Variants in LTBR observed in about 807,000 individuals in gnomAD.
LTBR encodes the protein tumor necrosis factor receptor superfamily member 3.
Under a neutral mutation model 45.4 loss-of-function variants are expected in LTBR, and 15 were observed. That is an observed-to-expected ratio of 0.33 (90% CI 0.22 to 0.51). The LOEUF (loss-of-function observed/expected upper bound fraction) is 0.51. Among genes scored for constraint, LTBR ranks in the 20% least tolerant of loss-of-function variants. The pLI is 0.97. For missense variants in LTBR, 450 were observed against 565.5 expected, an observed-to-expected ratio of 0.80 and a Z score of 2.07; for synonymous variants, 228 against 231.0, an observed-to-expected ratio of 0.99 and a Z score of 0.12.
intron 1 of LTBR, chr12:6,375,811 A>C: frequency 7.3e-7 from 1 of 1,368,462 alleles, no homozygotes; most frequent in Non-Finnish European, 9.4e-7. Context: ...GCCCACAGCT[A>C]GGAGGGCAAC....
At chr12:6,378,522 C>A (rs768470501) in intron 1 of LTBR, among the ~76,000 whole-genome samples, 3 of 151,804 alleles carry the variant, frequency 2.0e-5, no homozygotes, top group Non-Finnish European at 4.4e-5. Context: ...GGTGATCTTA[C>A]CTGAGAAAAT....
In LTBR at chr12:6,390,046, G is replaced by A. The variant is rs41489744; in HGVS notation, c.802-66G>A. The A allele has an allele frequency of 6.6e-3, 6,239 of 941,558 alleles. 233 individuals carry two copies. The African/African-American group carries it at 0.087, about 13-fold the overall frequency. 58.3% of individuals were successfully genotyped at this position (941,558 alleles called of 1,614,324 possible). A position where few individuals can be genotyped will look rare whatever the true frequency, so the allele number is the denominator to read the frequency against. On this transcript the variant is annotated intron_variant, in intron 8 of 9. Transcript: ENST00000228918. ...AGAGAAAGAGAGAAAGAAGAGGGAG[G>A]GAGGGAGAGAGAAAAAAGGGTCTGG...
chr12:6,380,669 G>A (rs542853351), upstream of LTBR, among the ~76,000 whole-genome samples: 1 of 148,462 alleles, frequency 6.7e-6, no homozygotes, highest in East Asian at 2.0e-4. Context: ...CAGCCTGGGC[G>A]ACAGACTGAG....
upstream of LTBR, among the ~76,000 whole-genome samples, chr12:6,382,965 C>G (rs1207071875): frequency 6.6e-6 from 1 of 152,204 alleles, no homozygotes; most frequent in African/African-American, 2.4e-5. Context: ...TGGACTGGCT[C>G]TGTGATGTGG....
Position 6,390,965 on chromosome 12 carries a change from G to A in LTBR, c.*28G>A, listed in dbSNP as rs1294541598. The A allele has an allele frequency of 6.0e-6, 9 of 1,504,142 alleles. No homozygotes were observed. The highest frequency in any genetic ancestry group is 7.1e-6 in the Non-Finnish European group (8 of 1,125,128). 93.2% of individuals were successfully genotyped at this position (1,504,142 alleles called of 1,614,324 possible). On this transcript the variant is annotated 3_prime_UTR_variant, in exon 10 of 10. Coordinates refer to ENST00000228918, the MANE Select transcript of LTBR (RefSeq NM_002342.3). Reference sequence around the variant, plus strand: ...GAGTCTGAGAAAAGGCAGAAGAAGGGGGGCACAAGGGCACCTTCTCCCTTG... The same window carrying A: ...GAGTCTGAGAAAAGGCAGAAGAAGGAGGGCACAAGGGCACCTTCTCCCTTG...
In LTBR at chr12:6,384,384, C is replaced by T. The variant is rs1166289143; in HGVS notation, c.26C>T (p.Ala9Val). The T allele has an allele frequency of 2.0e-6, 3 of 1,536,324 alleles. No homozygotes were observed. Among genetic ancestry groups the T allele is most frequent in the South Asian group, 2.4e-5 (2 of 83,930 alleles). Residue 9 changes from alanine to valine, a missense_variant, in exon 1 of 10, where the codon GCC becomes GTC. Coordinates refer to ENST00000228918, the MANE Select transcript of LTBR (RefSeq NM_002342.3). ...ATGCTCCTGCCTTGGGCCACCTCTG[C>T]CCCCGGCCTGGCCTGGGGGCCTCTG... MLLPWATS[A>V]PGLAWGPLVL...
At position 6,386,656 on chromosome 12, in the gene LTBR, G is replaced by C; in HGVS notation, c.667+212G>C. On this transcript the variant is annotated intron_variant, in intron 6 of 9. Coordinates refer to ENST00000228918, the MANE Select transcript of LTBR (RefSeq NM_002342.3). The surrounding 1 kb of genome is among the most constrained non-coding windows in gnomAD (Gnocchi z 4.1). ...ACACACTTTTAAAATTATATATACT[G>C]TAATACTATGTCAAGGAACACATCC... The C allele has an allele frequency of 1.8e-6, 1 of 543,212 alleles. No homozygotes were observed. The highest frequency in any genetic ancestry group is 1.9e-5 in the African/African-American group (1 of 52,004). The allele number at this position is 543,212 out of a possible 1,614,324, so 33.6% of individuals were successfully genotyped here. A position where few individuals can be genotyped will look rare whatever the true frequency, so the allele number is the denominator to read the frequency against.
intron 1 of LTBR, chr12:6,375,931 G>C (rs1697066488): frequency 2.7e-6 from 3 of 1,116,070 alleles, no homozygotes; most frequent in Admixed American, 4.8e-5. Context: ...CAGAGAGATA[G>C]GGATGGAGGA....
intron 8 of LTBR, chr12:6,389,150 G>T (rs1949082078): frequency 3.7e-6 from 1 of 270,720 alleles, no homozygotes; most frequent in Non-Finnish European, 7.2e-6. Context: ...TTTAGACAGA[G>T]TGGAGAGTGA....
At chr12:6,385,173 G>A (rs112914665) in intron 3 of LTBR, 26 bp downstream of exon 3, 707 of 1,614,084 alleles carry the variant, frequency 4.4e-4, no homozygotes, top group Non-Finnish European at 5.6e-4. Context: ...CCTGCGGGGG[G>A]GCTGGATCCC....
At chr12:6,382,030 G>A (rs1948989785), upstream of LTBR, among the ~76,000 whole-genome samples, 1 of 152,108 alleles carries the variant, frequency 6.6e-6, no homozygotes, top group Non-Finnish European at 1.5e-5. Flanking sequence ...TGGGGGATAT[G>A]CAAGAATACA....
chr12:6,377,486 C>T (rs1001809450), intron 1 of LTBR: 4 of 662,186 alleles, frequency 6.0e-6, no homozygotes, highest in Admixed American at 2.6e-5. Flanking sequence ...GGCTCAGGTG[C>T]ACCTGGATGT....
chr12:6,377,544 G>A (rs1017512750), intron 1 of LTBR: 6 of 814,364 alleles, frequency 7.4e-6, no homozygotes, highest in African/African-American at 1.7e-5. Flanking sequence ...CCGTGGATTC[G>A]TCTGCTCTCT....
chr12:6,375,899 A>C (rs1209328647), intron 1 of LTBR: 2 of 1,226,410 alleles, frequency 1.6e-6, no homozygotes, highest in Non-Finnish European at 2.0e-6. Context: ...AGAGGGAGAC[A>C]ATAGAGAGGG....
rs762159562 is a variant in LTBR at position 6,390,987 on chromosome 12, C to T, written c.*50C>T. 1.0e-5 allele frequency: 15 copies of T among 1,488,174 alleles called. No homozygotes were observed. Among genetic ancestry groups the T allele is most frequent in the Non-Finnish European group, 1.3e-5 (14 of 1,118,162 alleles). The allele number at this position is 1,488,174 out of a possible 1,614,324, so 92.2% of individuals were successfully genotyped here. On this transcript the variant is annotated 3_prime_UTR_variant, in exon 10 of 10. Transcript: ENST00000228918. ...AGGGGGGCACAAGGGCACCTTCTCCCTTGAGGCTGCCCTGCCCACGTGGGA... is the reference window on the plus strand; with the variant it reads ...AGGGGGGCACAAGGGCACCTTCTCCTTTGAGGCTGCCCTGCCCACGTGGGA...
intron 1 of LTBR, chr12:6,376,300 G>T: frequency 2.5e-6 from 1 of 405,608 alleles, no homozygotes; most frequent in East Asian, 1.6e-4. Flanking sequence ...GGTGAAGCTG[G>T]GGGCTAGGCG....
In LTBR at chr12:6,388,603, C is replaced by A; in HGVS notation, c.775+98C>A. The A allele has an allele frequency of 1.8e-6, 2 of 1,139,296 alleles. No homozygotes were observed. Among genetic ancestry groups the A allele is most frequent in the South Asian group, 1.3e-5 (1 of 78,480 alleles). 70.6% of individuals were successfully genotyped at this position (1,139,296 alleles called of 1,614,324 possible). The stretch of plus-strand genomic sequence containing the variant: ...CAACCCTCCACACCCTCAAGACTCC[C>A]AATGCCTACCCCCAACATAGACATC... On this transcript the variant is annotated intron_variant, in intron 7 of 9. Transcript: ENST00000228918. This position sits in a 1 kb window ranked among gnomAD's most constrained non-coding sequence, Gnocchi z 4.3.
At chr12:6,384,009 G>T, upstream of LTBR, 1 of 1,157,092 alleles carries the variant, frequency 8.6e-7, no homozygotes, top group Non-Finnish European at 1.1e-6. Context: ...GAGGAGGCCG[G>T]TTCCGGCCCC....
rs765203727 is a variant in LTBR, at chr12:6,384,597, T to C, written c.106T>C (p.Tyr36His). The change falls in exon 2 of 10, where the codon TAT becomes CAT. Residue 36 changes from tyrosine (Y) to histidine (H), a missense_variant. Physicochemically the swap from Tyr to His is moderately conservative, Grantham distance 83. This residue lies in a region of LTBR where 367 missense variants were observed against 435.4 expected (regional missense o/e 0.84). Coordinates refer to ENST00000228918, the MANE Select transcript of LTBR (RefSeq NM_002342.3). Reference protein sequence around the residue: ...AASQPQAVPPYASENQTCRDQ... With the variant: ...AASQPQAVPPHASENQTCRDQ... ...CCATCTCCCTTTGAAGGTGCCTCCA[T>C]ATGCGTCGGAGAACCAGACCTGCAG... 4 of 1,613,984 alleles carry C rather than the reference T, an allele frequency of 2.5e-6. No homozygotes were observed. Among genetic ancestry groups the C allele is most frequent in the South Asian group, 2.2e-5 (2 of 91,094 alleles).
Sources: allele counts gnomAD v4.1 joint callset (sites outside exome capture counted in the v4.1 genomes callset), GRCh38; gene constraint gnomAD v4.1.1; regional missense constraint gnomAD v4.1.1; non-coding constraint Gnocchi (gnomAD v3.1); transcripts MANE v1.5; gene names NCBI Gene and HGNC (gene_info 2026-07-23, HGNC 2026-07-21).